FAM81A: variants seen among roughly 807,000 people sequenced by gnomAD.
FAM81A encodes the protein protein FAM81A.
FAM81A carries 19 observed loss-of-function variants against 46.7 expected under a neutral mutation model. The observed-to-expected ratio is 0.41, with a 90% CI of 0.28 to 0.60. FAM81A has a LOEUF of 0.60. Ranked by LOEUF, FAM81A falls within the 20% of genes least tolerant of loss-of-function variation. The pLI is 0.34. For synonymous variants in FAM81A, 183 were observed against 152.9 expected (o/e 1.20, Z -1.45); for missense variants, 377 against 453.5 (o/e 0.83, Z 1.53).
At chr15:59,443,271 A>G (rs2081320108) in intron 1 of FAM81A, among the ~76,000 whole-genome samples, 1 of 152,144 alleles carries the variant, frequency 6.6e-6, no homozygotes. Flanking sequence ...TTGTAGAGAC[A>G]GTGTTTCACC....
chr15:59,449,946 A>G (rs1259274660), intron 1 of FAM81A, among the ~76,000 whole-genome samples: 10 of 150,994 alleles, frequency 6.6e-5, no homozygotes, highest in African/African-American at 2.4e-4. Context: ...TTGTGAGACA[A>G]AATCTCACGC....
At chr15:59,519,196 CT>C (rs1295217512) in intron 8 of FAM81A, among the ~76,000 whole-genome samples, 59 of 145,310 alleles carry the variant, frequency 4.1e-4, no homozygotes, top group Middle Eastern at 3.6e-3. Context: ...TCTTTCTTTT[CT>C]TTTTTTTTTT....
chr15:59,451,993 T>C (rs1297970646), intron 1 of FAM81A, among the ~76,000 whole-genome samples: 2 of 152,224 alleles, frequency 1.3e-5, no homozygotes, highest in East Asian at 1.9e-4. Context: ...CAGGTCCTCA[T>C]GGAGCATGCA....
intron 3 of FAM81A, among the ~76,000 whole-genome samples, chr15:59,472,123 G>A (rs775516096): frequency 6.6e-6 from 1 of 152,072 alleles, no homozygotes; most frequent in African/African-American, 2.4e-5. Flanking sequence ...AGCTAAAGGG[G>A]GTTGGGGCCC....
chr15:59,487,053 G>A lies in FAM81A; in HGVS notation c.295-5218G>A, dbSNP rs144400515. ...ATCTTAAATAGAAAGATGAAAAGATGAACCAATCAAAAATAATAACTTTTC... is the reference window on the plus strand; with the variant it reads ...ATCTTAAATAGAAAGATGAAAAGATAAACCAATCAAAAATAATAACTTTTC... On this transcript the variant is annotated intron_variant, in intron 3 of 8. Transcript: ENST00000288228. 4.6e-3 allele frequency among the ~76,000 whole-genome samples: 699 copies of A among 151,594 alleles called. 23 individuals are homozygous for A. The highest frequency in any genetic ancestry group is 0.043 in the Admixed American group (650 of 15,232).
intron 2 of FAM81A, among the ~76,000 whole-genome samples, chr15:59,405,725 A>T (rs1020724952): frequency 2.6e-5 from 4 of 152,252 alleles, no homozygotes; most frequent in Middle Eastern, 3.4e-3. Context: ...AGTGCACTCC[A>T]CACACAAGGA....
chr15:59,460,196 G>C lies in FAM81A; in HGVS notation c.284G>C (p.Arg95Pro). 1 of 1,613,950 alleles carries C rather than the reference G, an allele frequency of 6.2e-7. No individual in the cohort carries two copies. Among genetic ancestry groups the C allele is most frequent in the Non-Finnish European group, 8.5e-7 (1 of 1,179,880 alleles). Reference protein sequence around the residue: ...NITAIVKQLNRDIEVLQEQIR... With the variant: ...NITAIVKQLNPDIEVLQEQIR... ...ACTGCCATAGTGAAGCAACTTAATC[G>C]GGATATCGAGGTAAGGTTTGTGAAA... Residue 95 changes from arginine (R) to proline (P), a missense_variant, in exon 3 of 9, where the codon CGG becomes CCG. Coordinates refer to ENST00000288228, the MANE Select transcript of FAM81A (RefSeq NM_152450.3). The surrounding 1 kb of genome is among the most constrained non-coding windows in gnomAD (Gnocchi z 4.4).
At chr15:59,434,693 A>T (rs538234193), upstream of FAM81A, among the ~76,000 whole-genome samples, 1 of 152,164 alleles carries the variant, frequency 6.6e-6, no homozygotes, top group Non-Finnish European at 1.5e-5. Context: ...TTGGCACTCT[A>T]TTATTGAGAA....
intron 3 of FAM81A, among the ~76,000 whole-genome samples, chr15:59,480,753 A>G (rs1475693878): frequency 3.3e-5 from 5 of 152,330 alleles, no homozygotes; most frequent in African/African-American, 1.2e-4. Context: ...TGCCATATAT[A>G]ACGATATAAT....
chr15:59,426,426 A>T (rs2081194700), intron 2 of FAM81A, among the ~76,000 whole-genome samples: 1 of 152,160 alleles, frequency 6.6e-6, no homozygotes, highest in Non-Finnish European at 1.5e-5. Flanking sequence ...ACCAACATGA[A>T]GAAACCCCGT....
Position 59,402,016 on chromosome 15 carries a change from A to ATGTTCAG in FAM81A, c.-160-260_-160-259insTGTTCAG, listed in dbSNP as rs2081073269. 3 of 615,356 alleles carry ATGTTCAG rather than the reference A, an allele frequency of 4.9e-6. No individual in the cohort carries two copies. In the Admixed American group the frequency reaches 8.1e-5, roughly 17 times the overall value. The allele number at this position is 615,356 out of a possible 1,614,324, so 38.1% of individuals were successfully genotyped here. A position where few individuals can be genotyped will look rare whatever the true frequency, so the allele number is the denominator to read the frequency against. On this transcript the variant is annotated intron_variant, in intron 1 of 4. Transcript: ENST00000558348. Reference sequence around the variant, plus strand: ...TTGTTCTGTGGCATGTTGACGCCGCAGAGCTGCCAGGAGCAGCCCCTGGGG... The same window carrying ATGTTCAG: ...TTGTTCTGTGGCATGTTGACGCCGCATGTTCAGGAGCTGCCAGGAGCAGCCCCTGGGG...
chr15:59,483,087 G>A (rs575945789), intron 3 of FAM81A, among the ~76,000 whole-genome samples: 1 of 152,070 alleles, frequency 6.6e-6, no homozygotes, highest in African/African-American at 2.4e-5. Context: ...GCCCAGGCTG[G>A]AGTGCAGTGG....
intron 2 of FAM81A, among the ~76,000 whole-genome samples, chr15:59,410,926 T>C (rs2081117693): frequency 6.6e-6 from 1 of 152,110 alleles, no homozygotes; most frequent in African/African-American, 2.4e-5. Flanking sequence ...AATTTTTGTA[T>C]TTTTAGTAGA....
chr15:59,435,769 C>T (rs1339850526), upstream of FAM81A, among the ~76,000 whole-genome samples: 1 of 152,254 alleles, frequency 6.6e-6, no homozygotes, highest in African/African-American at 2.4e-5. Context: ...GTAATCCTTG[C>T]AGCATAAAAT....
At chr15:59,411,523 A>G (rs2081120546) in intron 2 of FAM81A, among the ~76,000 whole-genome samples, 1 of 152,124 alleles carries the variant, frequency 6.6e-6, no homozygotes, top group Non-Finnish European at 1.5e-5. Flanking sequence ...AGCTGCACCC[A>G]CTTCTCCTTC....
intron 1 of FAM81A, among the ~76,000 whole-genome samples, chr15:59,449,558 G>A (rs2081390537): frequency 6.6e-6 from 1 of 152,030 alleles, no homozygotes; most frequent in Non-Finnish European, 1.5e-5. Flanking sequence ...AAGGCGGGCG[G>A]ATCACGAGGT....
chr15:59,521,446 C>T lies in FAM81A; in HGVS notation c.*68C>T, dbSNP rs2082327569. The T allele has an allele frequency of 6.6e-7, 1 of 1,510,400 alleles. No homozygotes were observed. Among genetic ancestry groups the T allele is most frequent in the Non-Finnish European group, 8.9e-7 (1 of 1,125,526 alleles). 93.6% of individuals were successfully genotyped at this position (1,510,400 alleles called of 1,614,324 possible). On this transcript the variant is annotated 3_prime_UTR_variant, in exon 9 of 9. Transcript: ENST00000288228. ...GGCTAGGAGCCGGATACCTCTGTAG[C>T]CAGGCCATCGCTGCATTCAGGATTG...
chr15:59,463,993 G>A (rs1355208221), intron 3 of FAM81A, among the ~76,000 whole-genome samples: 1 of 151,920 alleles, frequency 6.6e-6, no homozygotes, highest in African/African-American at 2.4e-5. Context: ...CCATCCTCTA[G>A]TATTCTCTAT....
intron 3 of FAM81A, among the ~76,000 whole-genome samples, chr15:59,489,381 A>G (rs1240530872): frequency 6.6e-6 from 1 of 152,162 alleles, no homozygotes; most frequent in Non-Finnish European, 1.5e-5. Context: ...TGAAAACTAT[A>G]AAACATTGAT....
Sources: allele counts gnomAD v4.1 joint callset (sites outside exome capture counted in the v4.1 genomes callset), GRCh38; gene constraint gnomAD v4.1.1; non-coding constraint Gnocchi (gnomAD v3.1); transcripts MANE v1.5; gene names NCBI Gene and HGNC (gene_info 2026-07-23, HGNC 2026-07-21).